SHC1: variants seen among roughly 807,000 people sequenced by gnomAD.
SHC1 encodes SHC-transforming protein 1.
SHC1 carries 30 observed loss-of-function variants against 55.9 expected under a neutral mutation model. That is an observed-to-expected ratio of 0.54 (90% CI 0.40 to 0.73). The LOEUF is 0.73. SHC1 is among the 30% of genes least tolerant of loss of function. SHC1 has a pLI of 0.00. For synonymous variants in SHC1, 309 were observed against 306.1 expected, an observed-to-expected ratio of 1.01 and a Z score of -0.10; for missense variants, 675 against 777.1, an observed-to-expected ratio of 0.87 and a Z score of 1.56.
In SHC1 at chr1:154,970,440, G is replaced by A. The variant is rs866808843; in HGVS notation, c.87C>T (p.Thr29=). 2 of 1,611,066 alleles carry A rather than the reference G, an allele frequency of 1.2e-6. No homozygotes were observed. Among genetic ancestry groups the A allele is most frequent in the Non-Finnish European group, 1.7e-6 (2 of 1,178,992 alleles). The change falls in exon 1 of 12, where the codon ACC becomes ACT. Residue 29 remains threonine (T), a synonymous_variant. Coordinates refer to ENST00000448116, the MANE Select transcript of SHC1 (RefSeq NM_001130040.2). This position sits in a 1 kb window ranked among gnomAD's most constrained non-coding sequence, Gnocchi z 5.5. ...ATGGGGAAGGCAGCTCCTCCGGGGG[G>A]GTGGACCCAGAAGCCCCTTCCTCCA... ...SSLEEGASGS[T]PPEELPSPSA...
At chr1:154,968,959 A>C in intron 2 of SHC1, 125 bp from the exon 3 acceptor site, 2 of 827,802 alleles carry the variant, frequency 2.4e-6, no homozygotes, top group Non-Finnish European at 4.2e-6. Flanking sequence ...GCTCTTTGTC[A>C]TGGTGGATTG....
Position 154,963,522 on chromosome 1 carries a change from C to T in SHC1, c.*281G>A. The T allele has an allele frequency of 3.0e-6, 1 of 338,966 alleles. No homozygotes were observed. Among genetic ancestry groups the T allele is most frequent in the Non-Finnish European group, 5.6e-6 (1 of 178,980 alleles). 21.0% of individuals were successfully genotyped at this position (338,966 alleles called of 1,614,324 possible). A position where few individuals can be genotyped will look rare whatever the true frequency, so the allele number is the denominator to read the frequency against. On this transcript the variant is annotated 3_prime_UTR_variant, in exon 12 of 12. Coordinates refer to ENST00000448116, the MANE Select transcript of SHC1 (RefSeq NM_001130040.2). ...ATTTTCCATGACAAGCACTCACCTT[C>T]TTGGGGAAGGGGCATCAGGTTGGCA... is the stretch of plus-strand genomic sequence containing the variant.
upstream of SHC1, chr1:154,974,224 AAGG>A (rs1329443705): frequency 1.2e-5 from 2 of 169,430 alleles, no homozygotes; most frequent in Admixed American, 1.2e-4. Flanking sequence ...TGAGTCACCT[AAGG>A]AGAAAAAAGT....
upstream of SHC1, chr1:154,974,342 G>A (rs529861382): frequency 7.0e-6 from 2 of 285,938 alleles, no homozygotes; most frequent in Admixed American, 9.9e-5. Context: ...CTTTCTCCCC[G>A]GGCCCTGCCT....
intron 11 of SHC1, 65 bp downstream of exon 11, chr1:154,965,478 G>T (rs763517964): frequency 6.2e-7 from 1 of 1,602,856 alleles, no homozygotes. Flanking sequence ...AAGGAAGAGG[G>T]ATACACTGTA....
chr1:154,965,662 G>A lies in SHC1; in HGVS notation c.1507C>T (p.Leu503=), dbSNP rs114980769. The A allele has an allele frequency of 1.2e-4, 187 of 1,614,124 alleles. No individual in the cohort carries two copies. In the African/African-American group the frequency reaches 2.0e-3, roughly 17 times the overall value. The change falls in exon 11 of 12, where the codon CTG becomes TTG. Residue 503 remains leucine (L), a synonymous_variant. Transcript: ENST00000448116. ...ACCAGGAAGTCCCCATTGAGCTGCA[G>A]CAGTGCCTCAGCCTCCCGCCGGCTC... ...KLSRREAEAL[L]QLNGDFLVRE...
In SHC1 at chr1:154,966,522, G is replaced by A. The variant is rs1225592780; in HGVS notation, c.984-5C>T. ...GAGCCATCAAAGCCAGCCATCCTGAGGGACAGGACAGTGAAGCTGTGGCTG... is the reference window on the plus strand; with the variant it reads ...GAGCCATCAAAGCCAGCCATCCTGAAGGACAGGACAGTGAAGCTGTGGCTG... On this transcript the variant is annotated splice_region_variant and splice_polypyrimidine_tract_variant and intron_variant, in intron 7 of 11. Transcript: ENST00000448116. The A allele has an allele frequency of 6.4e-7, 1 of 1,571,696 alleles. No individual in the cohort carries two copies. The highest frequency in any genetic ancestry group is 1.8e-5 in the Admixed American group (1 of 55,580).
chr1:154,973,713 C>A (rs576556652), upstream of SHC1, among the ~76,000 whole-genome samples: 3 of 152,028 alleles, frequency 2.0e-5, no homozygotes, highest in African/African-American at 4.8e-5. Flanking sequence ...GACGACAAGG[C>A]TTTTCAGCTG....
intron 2 of SHC1, 155 bp from the exon 3 acceptor site, chr1:154,968,989 T>C: frequency 1.5e-6 from 1 of 685,278 alleles, no homozygotes; most frequent in Non-Finnish European, 2.6e-6. Flanking sequence ...CCTTTAATAT[T>C]TGATGACACT....
chr1:154,967,656 T>TCCC lies in SHC1; in HGVS notation c.983+12_983+14dup. On this transcript the variant is annotated intron_variant, in intron 7 of 11. Transcript: ENST00000448116. Reference sequence around the variant, plus strand: ...CTAATCCAAGAGCTGCTCCACACTCTCCCCACCTGCTCACCTGTCATGAGG... The same window carrying TCCC: ...CTAATCCAAGAGCTGCTCCACACTCTCCCCCCCACCTGCTCACCTGTCATGAGG... 6.2e-7 allele frequency: 1 copy of TCCC among 1,613,240 alleles called. No homozygotes were observed. The highest frequency in any genetic ancestry group is 8.5e-7 in the Non-Finnish European group (1 of 1,179,460).
Position 154,965,738 on chromosome 1 carries a change from C to G in SHC1, c.1431G>C (p.Ser477=), listed in dbSNP as rs61751623. 0.04 allele frequency: 64,580 copies of G among 1,613,938 alleles called. 1,533 individuals carry two copies. The highest frequency in any genetic ancestry group is 0.045 in the Non-Finnish European group (53,268 of 1,179,888). ...CTCGGAGCTGCTCAGCCATGGACAC[C>G]GACTGGGGAGGTGGAGGCACGCGAA... The part of the protein sequence containing the change: ...DALRVPPPPQ[S]VSMAEQLRGE... Residue 477 remains serine, a synonymous_variant, in exon 11 of 12, where the codon TCG becomes TCC. Coordinates refer to ENST00000448116, the MANE Select transcript of SHC1 (RefSeq NM_001130040.2).
chr1:154,966,545 C>G lies in SHC1; in HGVS notation c.984-28G>C, dbSNP rs756281324. On this transcript the variant is annotated intron_variant, in intron 7 of 11. Transcript: ENST00000448116. Reference sequence around the variant, plus strand: ...GAGGGACAGGACAGTGAAGCTGTGGCTGTAAATGTGTGGTGGGCAGGAGGA... The same window carrying G: ...GAGGGACAGGACAGTGAAGCTGTGGGTGTAAATGTGTGGTGGGCAGGAGGA... The G allele has an allele frequency of 2.7e-5, 40 of 1,489,760 alleles. 2 individuals carry two copies. The South Asian group carries it at 4.7e-4, about 17-fold the overall frequency. 92.3% of individuals were successfully genotyped at this position (1,489,760 alleles called of 1,614,324 possible). A position where few individuals can be genotyped will look rare whatever the true frequency, so the allele number is the denominator to read the frequency against.
At chr1:154,969,022 T>G (rs1656392646) in intron 2 of SHC1, 188 bp from the exon 3 acceptor site, 1 of 628,792 alleles carries the variant, frequency 1.6e-6, no homozygotes, top group Non-Finnish European at 2.8e-6. Flanking sequence ...CCTGGCTGAT[T>G]GGGTTAGGGC....
Position 154,970,556 on chromosome 1 carries a change from G to A in SHC1, c.-30C>T. Reference sequence around the variant, plus strand: ...GAGGTGAAAGAGGGGCTGCTGCCCAGCCTGGCCCCCCTGCCAGTTTGGGCA... The same window carrying A: ...GAGGTGAAAGAGGGGCTGCTGCCCAACCTGGCCCCCCTGCCAGTTTGGGCA... On this transcript the variant is annotated 5_prime_UTR_variant, in exon 1 of 12. Coordinates refer to ENST00000448116, the MANE Select transcript of SHC1 (RefSeq NM_001130040.2). The surrounding 1 kb of genome is among the most constrained non-coding windows in gnomAD (Gnocchi z 5.5). 1 of 1,554,186 alleles carries A rather than the reference G, an allele frequency of 6.4e-7. No homozygotes were observed. Among genetic ancestry groups the A allele is most frequent in the Non-Finnish European group, 8.7e-7 (1 of 1,155,282 alleles).
chr1:154,970,751 TGAG>T (rs1362214049), upstream of SHC1: 8 of 469,704 alleles, frequency 1.7e-5, no homozygotes, highest in South Asian at 2.5e-4. The surrounding 1 kb of genome is among the most constrained non-coding windows in gnomAD (Gnocchi z 5.5). Context: ...CTTCTCTGGC[TGAG>T]AAGAGAACAG....
At chr1:154,969,095 G>A (rs947450700) in intron 2 of SHC1, among the ~76,000 whole-genome samples, 5 of 152,084 alleles carry the variant, frequency 3.3e-5, no homozygotes, top group Non-Finnish European at 5.9e-5. Flanking sequence ...CCCAAAGGCA[G>A]CAGCAACCTT....
chr1:154,966,442 G>A lies in SHC1; in HGVS notation c.1059C>T (p.Phe353=). The change falls in exon 8 of 12, where the codon TTC becomes TTT. Residue 353 remains phenylalanine (F), a synonymous_variant. Coordinates refer to ENST00000448116, the MANE Select transcript of SHC1 (RefSeq NM_001130040.2). ...EPPDHQYYND[F]PGKEPPLGGV... Reference sequence around the variant, plus strand: ...CCCCCAAGGGGGGTTCCTTCCCCGGGAAGTCATTATAGTACTGATGGTCAG... The same window carrying A: ...CCCCCAAGGGGGGTTCCTTCCCCGGAAAGTCATTATAGTACTGATGGTCAG... 1 of 1,613,126 alleles carries A rather than the reference G, an allele frequency of 6.2e-7. No individual in the cohort carries two copies. Among genetic ancestry groups the A allele is most frequent in the Non-Finnish European group, 8.5e-7 (1 of 1,179,554 alleles).
intron 1 of SHC1, 45 bp from the exon 2 acceptor site, chr1:154,969,493 C>T: frequency 7.5e-7 from 1 of 1,337,054 alleles, no homozygotes; most frequent in Non-Finnish European, 1.1e-6. Context: ...GCTCCCCCAC[C>T]CCAGCCCCTT....
upstream of SHC1, among the ~76,000 whole-genome samples, chr1:154,972,393 TC>T (rs1656835264): frequency 6.6e-6 from 1 of 152,102 alleles, no homozygotes; most frequent in Non-Finnish European, 1.5e-5. Flanking sequence ...CTCTTACATC[TC>T]CCCTTAGTGC....
Sources: gnomAD v4.1 joint callset for allele counts (sites outside exome capture counted in the v4.1 genomes callset) on GRCh38, gnomAD v4.1.1 for gene constraint, Gnocchi (gnomAD v3.1) non-coding constraint, MANE v1.5 for transcripts, NCBI Gene and HGNC (gene_info 2026-07-23, HGNC 2026-07-21) for gene names.